Variants in CHCHD3 observed in about 807,000 individuals in gnomAD.
CHCHD3 encodes coiled-coil-helix-coiled-coil-helix domain containing 3, also known as MICOS complex subunit MIC19.
A neutral mutation model predicts 38.2 loss-of-function variants in CHCHD3; 20 were observed. The ratio of observed to expected loss-of-function variants is 0.52; its 90% CI spans 0.37 to 0.76. The LOEUF is 0.76. Among genes scored for constraint, CHCHD3 ranks in the 30% least tolerant of loss-of-function variants. The probability of loss-of-function intolerance (pLI) is 0.00; values close to 1 mark genes in which losing one functional copy is unlikely to be tolerated. For synonymous variants in CHCHD3, 82 were observed against 100.0 expected (o/e 0.82, Z 1.07); for missense variants, 245 against 279.2 (o/e 0.88, Z 0.87).
chr7:133,075,747 G>A (rs1014128380), intron 1 of CHCHD3, among the ~76,000 whole-genome samples: 14 of 152,126 alleles, frequency 9.2e-5, no homozygotes, highest in African/African-American at 2.7e-4. Flanking sequence ...AAGCTTCTGC[G>A]ATGGCAGCCT....
rs1242533340 is a variant in CHCHD3 at position 132,815,369 on chromosome 7, G to C, written c.525-18792C>G. ...TAATATGTTTGCATATATTACAAAT[G>C]CTAAGCAAAATGGAATGTTAATATA... On this transcript the variant is annotated intron_variant, in intron 6 of 7. Coordinates refer to ENST00000262570, the MANE Select transcript of CHCHD3 (RefSeq NM_017812.4). 16 of 318,102 alleles carry C rather than the reference G, an allele frequency of 5.0e-5. No homozygotes were observed. The East Asian group carries it at 1.3e-3, about 26-fold the overall frequency. 19.7% of individuals were successfully genotyped at this position (318,102 alleles called of 1,614,324 possible). A position where few individuals can be genotyped will look rare whatever the true frequency, so the allele number is the denominator to read the frequency against.
At chr7:133,036,772 T>A (rs1813690204) in intron 2 of CHCHD3, among the ~76,000 whole-genome samples, 1 of 152,172 alleles carries the variant, frequency 6.6e-6, no homozygotes. Flanking sequence ...AGAATGAAAC[T>A]CTTCAATTGG....
chr7:133,081,725 G>A (rs1242191419), intron 1 of CHCHD3, 132 bp downstream of exon 1: 6 of 827,262 alleles, frequency 7.3e-6, no homozygotes, highest in Non-Finnish European at 1.2e-5. Context: ...CTTCTTCCCA[G>A]ACACCTGGGC....
chr7:132,910,471 A>C (rs1809918271), intron 4 of CHCHD3, among the ~76,000 whole-genome samples: 1 of 152,180 alleles, frequency 6.6e-6, no homozygotes, highest in South Asian at 2.1e-4. Flanking sequence ...ACTATTGGGA[A>C]TTCAAGCAGA....
chr7:132,820,441 A>C (rs902005225), intron 6 of CHCHD3, among the ~76,000 whole-genome samples: 10 of 152,104 alleles, frequency 6.6e-5, no homozygotes, highest in Non-Finnish European at 1.2e-4. Flanking sequence ...ACTGGAAGGG[A>C]GGGAGGCTTC....
chr7:132,964,754 A>G (rs770472194), intron 4 of CHCHD3, among the ~76,000 whole-genome samples: 48 of 151,854 alleles, frequency 3.2e-4, no homozygotes, highest in Non-Finnish European at 6.2e-4. Context: ...TGACTTGACG[A>G]AAGTGTACAA....
chr7:133,072,193 A>C (rs2117542673), intron 1 of CHCHD3, among the ~76,000 whole-genome samples: 1 of 151,956 alleles, frequency 6.6e-6, no homozygotes, highest in African/African-American at 2.4e-5. Context: ...AAAGTGTTGG[A>C]ATGTAAACTT....
intron 4 of CHCHD3, among the ~76,000 whole-genome samples, chr7:132,927,611 C>T (rs973220873): frequency 4.6e-5 from 7 of 152,144 alleles, no homozygotes; most frequent in South Asian, 2.1e-4. Flanking sequence ...AAATGAAAGA[C>T]GCTGTTAAAA....
At chr7:132,859,500 C>T (rs1327223880) in intron 5 of CHCHD3, among the ~76,000 whole-genome samples, 1 of 152,190 alleles carries the variant, frequency 6.6e-6, no homozygotes, top group Non-Finnish European at 1.5e-5. Flanking sequence ...CTTATTTTCA[C>T]CCTATGTAAA....
chr7:132,816,527 G>C (rs1187187703), intron 6 of CHCHD3, among the ~76,000 whole-genome samples: 2 of 152,074 alleles, frequency 1.3e-5, no homozygotes, highest in African/African-American at 2.4e-5. Flanking sequence ...TTAATTGCAC[G>C]ATCTCTCCAG....
chr7:133,081,235 CTT>C (rs1167872427), intron 1 of CHCHD3, among the ~76,000 whole-genome samples: 1 of 152,190 alleles, frequency 6.6e-6, no homozygotes, highest in Admixed American at 6.5e-5. Context: ...TAATCCAAAA[CTT>C]CGGCGCAGCA....
intron 2 of CHCHD3, among the ~76,000 whole-genome samples, chr7:133,045,016 GT>G (rs1208761626): frequency 6.6e-6 from 1 of 152,152 alleles, no homozygotes; most frequent in Non-Finnish European, 1.5e-5. Flanking sequence ...GTGCTCAGTC[GT>G]TTTTTTCCCC....
At chr7:133,062,174 A>G (rs779213269) in intron 2 of CHCHD3, among the ~76,000 whole-genome samples, 1 of 152,112 alleles carries the variant, frequency 6.6e-6, no homozygotes, top group Non-Finnish European at 1.5e-5. Context: ...TGGAAAGTCA[A>G]TGGATTGATT....
chr7:132,892,306 G>A (rs1386130575), intron 4 of CHCHD3, among the ~76,000 whole-genome samples: 3 of 152,176 alleles, frequency 2.0e-5, no homozygotes, highest in Non-Finnish European at 4.4e-5. Flanking sequence ...CTGGGAACTG[G>A]AGCAAAGGTG....
At chr7:132,903,674 T>C (rs1014436039) in intron 4 of CHCHD3, among the ~76,000 whole-genome samples, 1 of 152,218 alleles carries the variant, frequency 6.6e-6, no homozygotes, top group Admixed American at 6.5e-5. Flanking sequence ...CTACCTGGCA[T>C]GGGTATCCGG....
intron 4 of CHCHD3, among the ~76,000 whole-genome samples, chr7:132,912,448 C>T (rs1455681492): frequency 6.6e-6 from 1 of 152,160 alleles, no homozygotes; most frequent in Non-Finnish European, 1.5e-5. Flanking sequence ...AGCCCATAGC[C>T]AGAGCTCCTT....
intron 4 of CHCHD3, among the ~76,000 whole-genome samples, chr7:132,901,767 C>T (rs1476295709): frequency 1.3e-5 from 2 of 152,120 alleles, no homozygotes; most frequent in East Asian, 3.9e-4. Flanking sequence ...CTGTAGGTTG[C>T]CTGTTCACTC....
chr7:133,048,825 G>A (rs560833300), intron 2 of CHCHD3, among the ~76,000 whole-genome samples: 6 of 152,326 alleles, frequency 3.9e-5, no homozygotes, highest in African/African-American at 1.4e-4. Flanking sequence ...GCACTTCGGG[G>A]TGTGTGAAAG....
At chr7:132,814,103 TAAGAC>T (rs1184501780) in intron 6 of CHCHD3, among the ~76,000 whole-genome samples, 1 of 152,334 alleles carries the variant, frequency 6.6e-6, no homozygotes, top group African/African-American at 2.4e-5. Flanking sequence ...AAATCTCGCC[TAAGAC>T]AAGTTGGACG....
Sources: allele counts gnomAD v4.1 joint callset (sites outside exome capture counted in the v4.1 genomes callset), GRCh38; gene constraint gnomAD v4.1.1; transcripts MANE v1.5; gene names NCBI Gene and HGNC (gene_info 2026-07-23, HGNC 2026-07-21).